Variants in GRIK2 observed in about 807,000 individuals in gnomAD.
GRIK2 encodes the protein glutamate ionotropic receptor kainate type subunit 2, also known as glutamate receptor ionotropic, kainate 2.
In GRIK2, 32 loss-of-function variants were observed where a neutral mutation model predicts 100.3. That is an observed-to-expected ratio of 0.32 (90% confidence interval 0.24 to 0.43). The LOEUF is 0.43. GRIK2 is among the 20% of genes least tolerant of loss of function. The pLI, the probability that GRIK2 is intolerant of heterozygous loss-of-function variation, is 1.00. For synonymous variants in GRIK2, 417 were observed against 389.4 expected, an observed-to-expected ratio of 1.07 and a Z score of -0.83; for missense variants, 843 against 1,114.9, an observed-to-expected ratio of 0.76 and a Z score of 3.47.
chr6:101,512,045 A>G (rs1025834045), intron 2 of GRIK2, among the ~76,000 whole-genome samples: 2 of 127,322 alleles, frequency 1.6e-5, no homozygotes, highest in African/African-American at 7.0e-5. Flanking sequence ...TATTTGTAAA[A>G]AAAGATACAT....
At chr6:101,806,060 C>T (rs1012970427) in intron 9 of GRIK2, among the ~76,000 whole-genome samples, 2 of 151,982 alleles carry the variant, frequency 1.3e-5, no homozygotes, top group African/African-American at 4.8e-5. Context: ...CCAAAAAGAT[C>T]ACCGATACTG....
intron 2 of GRIK2, among the ~76,000 whole-genome samples, chr6:101,514,408 G>C (rs9390753): frequency 0.25 from 38,328 of 151,838 alleles, 6,041 homozygotes; most frequent in East Asian, 0.48. Context: ...GAAGGAAGAG[G>C]CTCCCCCATA....
At chr6:101,403,081 C>T (rs1562112675) in intron 2 of GRIK2, among the ~76,000 whole-genome samples, 1 of 152,208 alleles carries the variant, frequency 6.6e-6, no homozygotes, top group Non-Finnish European at 1.5e-5. Context: ...GCCCGGCTGG[C>T]CTAGGGTTCA....
intron 2 of GRIK2, among the ~76,000 whole-genome samples, chr6:101,614,920 G>C (rs1582829010): frequency 6.6e-6 from 1 of 151,664 alleles, no homozygotes; most frequent in African/African-American, 2.4e-5. Flanking sequence ...AGTTACAATT[G>C]ATTTAAAAGA....
At chr6:101,531,299 T>C (rs1431209398) in intron 2 of GRIK2, among the ~76,000 whole-genome samples, 1 of 151,936 alleles carries the variant, frequency 6.6e-6, no homozygotes, top group African/African-American at 2.4e-5. Context: ...TTTATTGTTT[T>C]CCTCCAAAAG....
At chr6:102,013,247 G>T (rs1202195406) in intron 14 of GRIK2, among the ~76,000 whole-genome samples, 1 of 152,094 alleles carries the variant, frequency 6.6e-6, no homozygotes, top group African/African-American at 2.4e-5. Flanking sequence ...GCTGTTGCTT[G>T]TGTATAGGAA....
Position 101,492,551 on chromosome 6 carries a change from T to G in GRIK2, c.115+93159T>G, listed in dbSNP as rs151091030. On this transcript the variant is annotated intron_variant, in intron 2 of 16. Transcript: ENST00000369134. ...GAAGGCCACATTGTCCTAAGTTGTCTCCTGTATCTTTTTGATATGGCTTCT... is the reference window on the plus strand; with the variant it reads ...GAAGGCCACATTGTCCTAAGTTGTCGCCTGTATCTTTTTGATATGGCTTCT... 2.3e-3 allele frequency among the ~76,000 whole-genome samples: 350 copies of G among 152,130 alleles called. 2 individuals are homozygous for G. Among genetic ancestry groups the G allele is most frequent in the African/African-American group, 8.2e-3 (340 of 41,574 alleles).
intron 12 of GRIK2, among the ~76,000 whole-genome samples, chr6:101,914,467 G>A (rs1788964292): frequency 6.6e-6 from 1 of 151,468 alleles, no homozygotes; most frequent in African/African-American, 2.4e-5. Context: ...AAATCGGCAA[G>A]GGGCTATTCC....
chr6:101,528,245 G>A (rs951203985), intron 2 of GRIK2, among the ~76,000 whole-genome samples: 1 of 152,014 alleles, frequency 6.6e-6, no homozygotes, highest in East Asian at 1.9e-4. Context: ...AAACATGTGG[G>A]GCCAGATGAG....
chr6:101,740,547 T>A (rs1369165178), intron 7 of GRIK2, among the ~76,000 whole-genome samples: 2 of 152,182 alleles, frequency 1.3e-5, no homozygotes, highest in Non-Finnish European at 2.9e-5. Flanking sequence ...CTCTTGTTTT[T>A]CTTTGTTAGG....
intron 16 of GRIK2, among the ~76,000 whole-genome samples, chr6:102,057,031 T>C (rs1174307937): frequency 1.3e-5 from 2 of 152,034 alleles, no homozygotes; most frequent in African/African-American, 4.8e-5. Flanking sequence ...TAATCATTTT[T>C]AAAGTGTCAA....
chr6:101,629,531 A>G (rs1396866145), intron 4 of GRIK2, among the ~76,000 whole-genome samples: 3 of 152,064 alleles, frequency 2.0e-5, no homozygotes, highest in African/African-American at 7.2e-5. Context: ...TACTATTTGC[A>G]ATGGGATAAT....
chr6:101,886,985 C>T (rs1310147190), intron 11 of GRIK2, among the ~76,000 whole-genome samples: 1 of 143,292 alleles, frequency 7.0e-6, no homozygotes, highest in African/African-American at 2.5e-5. Context: ...GCCACCACAC[C>T]TGGGTATTTT....
rs1476672948 is a variant in GRIK2, at chr6:101,399,345, T to C, written c.68T>C (p.Leu23Ser). The C allele has an allele frequency of 6.3e-7, 1 of 1,592,596 alleles. No individual in the cohort carries two copies. Among genetic ancestry groups the C allele is most frequent in the Non-Finnish European group, 8.6e-7 (1 of 1,160,418 alleles). ...CGCACCGTTAAACTCCTGCTCTGTT[T>C]ACTGTGGATTGGATATTCTCAAGGA... is the stretch of plus-strand genomic sequence containing the variant. Reference protein sequence around the residue: ...FRRTVKLLLCLLWIGYSQGTT... With the variant: ...FRRTVKLLLCSLWIGYSQGTT... Residue 23 changes from leucine (L) to serine (S), a missense_variant, in exon 2 of 17, where the codon TTA (leucine) becomes TCA (serine). Physicochemically the swap from Leu to Ser is moderately radical, Grantham distance 145. Coordinates refer to ENST00000369134, the MANE Select transcript of GRIK2 (RefSeq NM_021956.5).
chr6:101,725,821 A>G (rs181632558), intron 7 of GRIK2, among the ~76,000 whole-genome samples: 1 of 152,114 alleles, frequency 6.6e-6, no homozygotes, highest in East Asian at 1.9e-4. Context: ...TGTTTTTCAA[A>G]TGACATATTG....
intron 2 of GRIK2, among the ~76,000 whole-genome samples, chr6:101,458,588 A>T (rs1369500361): frequency 6.6e-6 from 1 of 152,194 alleles, no homozygotes; most frequent in Non-Finnish European, 1.5e-5. Context: ...CACTGCAGAT[A>T]CAAAACTCCA....
At chr6:101,953,432 T>C (rs1641254428) in intron 14 of GRIK2, among the ~76,000 whole-genome samples, 1 of 152,170 alleles carries the variant, frequency 6.6e-6, no homozygotes, top group African/African-American at 2.4e-5. Flanking sequence ...CTTACTATTT[T>C]CTGTTTTTAT....
chr6:101,574,559 G>C (rs889366334), intron 2 of GRIK2, among the ~76,000 whole-genome samples: 1 of 150,978 alleles, frequency 6.6e-6, no homozygotes, highest in Non-Finnish European at 1.5e-5. Flanking sequence ...AAAAATTGAC[G>C]AATTGTAATG....
chr6:101,779,877 C>CTATATA (rs371522416), intron 7 of GRIK2, among the ~76,000 whole-genome samples: 1 of 151,598 alleles, frequency 6.6e-6, no homozygotes, highest in African/African-American at 2.4e-5. Flanking sequence ...ATCTCTCTCT[C>CTATATA]TATATATATA....
Sources: allele counts gnomAD v4.1 joint callset (sites outside exome capture counted in the v4.1 genomes callset), GRCh38; gene constraint gnomAD v4.1.1; transcripts MANE v1.5; gene names NCBI Gene and HGNC (gene_info 2026-07-23, HGNC 2026-07-21).